The following NEDD4L variants were observed in gnomAD, a reference collection of about 807,000 sequenced individuals.
NEDD4L encodes NEDD4 like E3 ubiquitin protein ligase.
In NEDD4L, 54 loss-of-function variants were observed where a neutral mutation model predicts 148.9. The ratio of observed to expected loss-of-function variants is 0.36; its 90% CI spans 0.29 to 0.45. The LOEUF is 0.45. NEDD4L is among the 20% of genes least tolerant of loss of function. The pLI, the probability that NEDD4L is intolerant of heterozygous loss-of-function variation, is 1.00. For synonymous variants in NEDD4L, 433 were observed against 440.7 expected (o/e 0.98, Z 0.22); for missense variants, 856 against 1,233.8 (o/e 0.69, Z 4.59).
intron 14 of NEDD4L, 32 bp downstream of exon 14, chr18:58,341,201 A>G (rs761531509): frequency 6.2e-7 from 1 of 1,606,574 alleles, no homozygotes; most frequent in Admixed American, 1.7e-5. Context: ...TTAAAACCGC[A>G]GGCCATAGAA....
intron 1 of NEDD4L, among the ~76,000 whole-genome samples, chr18:58,123,223 C>G (rs902676451): frequency 6.6e-6 from 1 of 152,196 alleles, no homozygotes; most frequent in Non-Finnish European, 1.5e-5. Flanking sequence ...ACCCAGCAAC[C>G]TGGCCTGTCC....
intron 5 of NEDD4L, among the ~76,000 whole-genome samples, chr18:58,255,244 C>T (rs2048368125): frequency 6.6e-6 from 1 of 151,842 alleles, no homozygotes; most frequent in South Asian, 2.1e-4. Flanking sequence ...TGTGAGAGCG[C>T]CCTGCTGGGG....
intron 1 of NEDD4L, among the ~76,000 whole-genome samples, chr18:58,086,598 C>T (rs1226397298): frequency 6.6e-6 from 1 of 152,194 alleles, no homozygotes; most frequent in African/African-American, 2.4e-5. Flanking sequence ...CCACACAGGA[C>T]AGACGGTAAC....
At chr18:58,177,862 A>G (rs1380143084) in intron 2 of NEDD4L, among the ~76,000 whole-genome samples, 1 of 152,240 alleles carries the variant, frequency 6.6e-6, no homozygotes, top group Non-Finnish European at 1.5e-5. Context: ...AAGATTTTAA[A>G]GGTTATTTAT....
At chr18:58,389,742 T>TA (rs61096183) in intron 28 of NEDD4L, among the ~76,000 whole-genome samples, 5,810 of 140,834 alleles carry the variant, frequency 0.041, 125 homozygotes, top group Middle Eastern at 0.064. Context: ...TAAACAAACT[T>TA]AAAAAAAAAA....
intron 5 of NEDD4L, among the ~76,000 whole-genome samples, chr18:58,284,588 T>C (rs1437405234): frequency 2.0e-5 from 3 of 152,212 alleles, no homozygotes; most frequent in Non-Finnish European, 4.4e-5. Context: ...CTTCTGGTAG[T>C]GTCTTCGTTG....
At chr18:58,123,023 G>A (rs1244434978) in intron 1 of NEDD4L, among the ~76,000 whole-genome samples, 4 of 152,204 alleles carry the variant, frequency 2.6e-5, no homozygotes, top group East Asian at 1.9e-4. Context: ...GTGAGCCACT[G>A]CACCTGGCCC....
intron 22 of NEDD4L, among the ~76,000 whole-genome samples, chr18:58,369,593 C>T (rs999462272): frequency 6.6e-6 from 1 of 152,184 alleles, no homozygotes; most frequent in African/African-American, 2.4e-5. Flanking sequence ...TAGGGCCACG[C>T]TGAGCCGGGG....
At position 58,256,403 on chromosome 18, in the gene NEDD4L, G is replaced by C. The variant is rs1277890403; in HGVS notation, c.297+4349G>C. On this transcript the variant is annotated intron_variant, in intron 5 of 30. Transcript: ENST00000400345. The surrounding 1 kb of genome is among the most constrained non-coding windows in gnomAD (Gnocchi z 5.2). Reference sequence around the variant, plus strand: ...GCAGCAGCCCCAACAAGGCGCTTCGGGGCCAGGCAGCGACCTCAACTTTGG... The same window carrying C: ...GCAGCAGCCCCAACAAGGCGCTTCGCGGCCAGGCAGCGACCTCAACTTTGG... The C allele has an allele frequency of 8.1e-7, 1 of 1,232,378 alleles. No individual in the cohort carries two copies. Among genetic ancestry groups the C allele is most frequent in the Non-Finnish European group, 1.0e-6 (1 of 988,124 alleles). The allele number at this position is 1,232,378 out of a possible 1,614,324, so 76.3% of individuals were successfully genotyped here. A position where few individuals can be genotyped will look rare whatever the true frequency, so the allele number is the denominator to read the frequency against.
At chr18:58,375,356 G>A (rs4940671) in intron 24 of NEDD4L, among the ~76,000 whole-genome samples, 1 of 151,830 alleles carries the variant, frequency 6.6e-6, no homozygotes, top group Non-Finnish European at 1.5e-5. Flanking sequence ...TCCAGTGCCC[G>A]CCTAGCTGTG....
intron 5 of NEDD4L, among the ~76,000 whole-genome samples, chr18:58,280,217 C>T (rs1165421226): frequency 6.6e-6 from 1 of 152,206 alleles, no homozygotes; most frequent in African/African-American, 2.4e-5. Flanking sequence ...GATGATGCCT[C>T]TGGCCTTTCT....
rs188109750 is a variant in NEDD4L at position 58,214,951 on chromosome 18, A to G, written c.123-30476A>G. ...CTCAGCCTCCCGAGTAGCTGGGACT[A>G]TAGGCATGCACCACCATGCCTGGCT... On this transcript the variant is annotated intron_variant, in intron 2 of 30. Transcript: ENST00000400345. 6.6e-4 allele frequency among the ~76,000 whole-genome samples: 100 copies of G among 151,894 alleles called. 1 individual carries two copies. Among genetic ancestry groups the G allele is most frequent in the African/African-American group, 2.2e-3 (93 of 41,414 alleles).
intron 1 of NEDD4L, among the ~76,000 whole-genome samples, chr18:58,101,536 C>T (rs1199068965): frequency 2.0e-5 from 3 of 152,022 alleles, no homozygotes; most frequent in Admixed American, 1.3e-4. Context: ...TTCTCGGTTC[C>T]GTCCGTGTCG....
chr18:58,078,015 A>ATTT (rs56093190), intron 1 of NEDD4L, among the ~76,000 whole-genome samples: 2 of 143,078 alleles, frequency 1.4e-5, no homozygotes, highest in African/African-American at 2.6e-5. Context: ...TGAGAAACGT[A>ATTT]TTTTTTTTTT....
Position 58,323,305 on chromosome 18 carries a change from GA to G in NEDD4L, c.488del (p.Asn163ThrfsTer44). The G allele has an allele frequency of 6.3e-7, 1 of 1,597,796 alleles. No individual in the cohort carries two copies. The highest frequency in any genetic ancestry group is 8.5e-7 in the Non-Finnish European group (1 of 1,171,020). On this transcript the variant is annotated frameshift_variant, in exon 8 of 31. Transcript: ENST00000400345. LOFTEE classifies it high-confidence loss of function. ...GCCAAAAAATGGAGGTCAAGATGAA[GA>G]AAACAGTGACCAGAGGGATGACATG... ...YMPKNGGQDE[E>X]NSDQRDDMEH...
chr18:58,304,908 A>T (rs2056897302), intron 5 of NEDD4L, among the ~76,000 whole-genome samples: 1 of 152,238 alleles, frequency 6.6e-6, no homozygotes, highest in Non-Finnish European at 1.5e-5. Context: ...TTGTCTTTTT[A>T]GCCCCAGTGT....
intron 5 of NEDD4L, among the ~76,000 whole-genome samples, chr18:58,253,988 G>C (rs1029797438): frequency 7.2e-6 from 1 of 138,258 alleles, no homozygotes; most frequent in African/African-American, 2.6e-5. Context: ...TGCTGGTGTT[G>C]CTGTTTTTTT....
intron 1 of NEDD4L, among the ~76,000 whole-genome samples, chr18:58,115,398 G>A (rs936530775): frequency 2.0e-5 from 3 of 151,890 alleles, no homozygotes; most frequent in East Asian, 1.9e-4. Flanking sequence ...CAAGTTTTTC[G>A]GGAAGACAAG....
intron 1 of NEDD4L, among the ~76,000 whole-genome samples, chr18:58,051,839 A>C (rs1055043382): frequency 6.6e-6 from 1 of 152,216 alleles, no homozygotes; most frequent in South Asian, 2.1e-4. Flanking sequence ...ATATAATGGT[A>C]ATAAGTATCA....
Sources: gnomAD v4.1 joint callset for allele counts (sites outside exome capture counted in the v4.1 genomes callset) on GRCh38, gnomAD v4.1.1 for gene constraint, Gnocchi (gnomAD v3.1) non-coding constraint, MANE v1.5 for transcripts, NCBI Gene and HGNC (gene_info 2026-07-23, HGNC 2026-07-21) for gene names.